The following JADE3 variants were observed in gnomAD, a reference collection of about 807,000 sequenced individuals.
JADE3 encodes protein Jade-3.
A neutral mutation model predicts 50.1 loss-of-function variants in JADE3; 2 were observed. The observed-to-expected ratio is 0.04, with a 90% CI of 0.02 to 0.13. The LOEUF is 0.13. Ranked by LOEUF, JADE3 falls within the 10% of genes least tolerant of loss-of-function variation. The probability of loss-of-function intolerance (pLI) is 1.00; values close to 1 mark genes in which losing one functional copy is unlikely to be tolerated. For missense variants in JADE3, 475 were observed against 634.4 expected (o/e 0.75, Z 2.70); for synonymous variants, 218 against 232.9 (o/e 0.94, Z 0.58).
At chrX:47,049,548 C>G (rs1011735510) in intron 8 of JADE3, among the ~76,000 whole-genome samples, 3 of 108,805 alleles carry the variant, frequency 2.8e-5, no homozygotes, top group Non-Finnish European at 5.7e-5. Flanking sequence ...CCTCAACTTC[C>G]CAGGCTCCCA....
At position 46,998,273 on chromosome X, in the gene JADE3, C is replaced by T. The variant is rs1556357988; in HGVS notation, c.280C>T (p.Leu94Phe). 3 of 1,205,962 alleles carry T rather than the reference C, an allele frequency of 2.5e-6. No individual in the cohort carries two copies. The highest frequency in any genetic ancestry group is 3.4e-6 in the Non-Finnish European group (3 of 892,251). ...TCCAGACACCGTTCCACAGCCTTCT[C>T]TCAGGTATTTGCATGCTTGCACCTT... Reference protein sequence around the residue: ...ASPDTVPQPSLRIIAEKVKDV... With the variant: ...ASPDTVPQPSFRIIAEKVKDV... The change falls in exon 4 of 11, where the codon CTC becomes TTC. Residue 94 changes from leucine to phenylalanine, a missense_variant. By Grantham distance (22) the Leu-to-Phe change is conservative. Coordinates refer to ENST00000614628, the MANE Select transcript of JADE3 (RefSeq NM_014735.5).
intron 3 of JADE3, among the ~76,000 whole-genome samples, chrX:46,988,385 T>TA (rs1341643683): frequency 1.8e-5 from 2 of 110,801 alleles, no homozygotes; most frequent in East Asian, 2.8e-4. Flanking sequence ...CCAGGGTCAT[T>TA]AAAAAAAAGC....
In JADE3 at chrX:46,912,524, A is replaced by G. The variant is rs1322559593; in HGVS notation, c.-207A>G. ...TGACGGGCCGGGCGGACGAGGGCCG[A>G]GGGCGGGAGCTGAGGCGCGGGGGGC... On this transcript the variant is annotated 5_prime_UTR_variant, in exon 1 of 11. Transcript: ENST00000614628. 173 of 110,240 alleles carry G rather than the reference A, an allele frequency of 1.6e-3. 2 individuals are homozygous for G. The South Asian group carries it at 0.062, about 40-fold the overall frequency. 9.1% of individuals were successfully genotyped at this position (110,240 alleles called of 1,213,427 possible).
chrX:47,017,342 T>C (rs1443441574), intron 4 of JADE3, among the ~76,000 whole-genome samples: 1 of 112,245 alleles, frequency 8.9e-6, no homozygotes, highest in Non-Finnish European at 1.9e-5. Context: ...CTAGGTAGAC[T>C]GAAGGATTTT....
intron 5 of JADE3, among the ~76,000 whole-genome samples, chrX:47,027,236 G>C (rs1440895259): frequency 8.9e-6 from 1 of 112,023 alleles, no homozygotes; most frequent in Non-Finnish European, 1.9e-5. Flanking sequence ...AAGCAAAGAA[G>C]GTAATTCCAG....
At chrX:46,964,732 AT>A (rs1927334145) in intron 1 of JADE3, among the ~76,000 whole-genome samples, 1 of 112,824 alleles carries the variant, frequency 8.9e-6, no homozygotes, top group African/African-American at 3.2e-5. Context: ...GTGAATGGTC[AT>A]GGGTGTGTTC....
intron 8 of JADE3, among the ~76,000 whole-genome samples, chrX:47,045,293 C>T (rs1161138912): frequency 9.0e-6 from 1 of 111,373 alleles, no homozygotes; most frequent in Non-Finnish European, 1.9e-5. Flanking sequence ...TAGAAAAAAA[C>T]TATAAAAGGA....
chrX:46,958,426 A>G (rs1437561970), intron 1 of JADE3, among the ~76,000 whole-genome samples: 2 of 111,828 alleles, frequency 1.8e-5, no homozygotes, highest in Non-Finnish European at 3.8e-5. Context: ...GTTACTCATC[A>G]AAGTTTTGAT....
chrX:47,053,226 G>T (rs1929557785), intron 8 of JADE3, among the ~76,000 whole-genome samples: 1 of 110,632 alleles, frequency 9.0e-6, no homozygotes, highest in Admixed American at 9.6e-5. Context: ...TTCAAGACCA[G>T]CCTGAGCAAC....
intron 8 of JADE3, among the ~76,000 whole-genome samples, chrX:47,047,734 T>C (rs1246815470): frequency 2.7e-5 from 3 of 111,369 alleles, no homozygotes; most frequent in Admixed American, 1.9e-4. Flanking sequence ...ATGTTAAACA[T>C]AGAGTTACCT....
At chrX:46,993,206 C>A (rs1299836816) in intron 3 of JADE3, among the ~76,000 whole-genome samples, 1 of 111,881 alleles carries the variant, frequency 8.9e-6, no homozygotes, top group African/African-American at 3.2e-5. Flanking sequence ...TGCATATCAT[C>A]TGTAGGCCTG....
At chrX:46,970,055 A>T (rs1205339171) in intron 1 of JADE3, among the ~76,000 whole-genome samples, 2 of 112,204 alleles carry the variant, frequency 1.8e-5, no homozygotes, top group African/African-American at 6.5e-5. Context: ...AAAGCAATCC[A>T]TCTAAAAACT....
chrX:47,041,687 T>G (rs1929260503), intron 8 of JADE3, among the ~76,000 whole-genome samples: 1 of 108,469 alleles, frequency 9.2e-6, no homozygotes, highest in Non-Finnish European at 1.9e-5. Flanking sequence ...GTGCTCTTTT[T>G]TTTTTTTGGT....
chrX:47,057,275 A>T (rs1929649211), intron 10 of JADE3, among the ~76,000 whole-genome samples: 1 of 111,502 alleles, frequency 9.0e-6, no homozygotes, highest in Middle Eastern at 4.2e-3. Context: ...CCACTGGGAT[A>T]CCTAAGAGCT....
At chrX:46,958,621 A>C (rs1340154751) in intron 1 of JADE3, among the ~76,000 whole-genome samples, 2 of 112,015 alleles carry the variant, frequency 1.8e-5, no homozygotes, top group Admixed American at 1.9e-4. Flanking sequence ...AAAGAGCCTA[A>C]AGTAAGTTGG....
chrX:46,980,068 C>T (rs782136118), intron 1 of JADE3, among the ~76,000 whole-genome samples: 19 of 108,046 alleles, frequency 1.8e-4, no homozygotes, highest in African/African-American at 3.4e-4. Flanking sequence ...TTAGTACAGA[C>T]GGGGTTTCAC....
At chrX:46,982,917 C>T (rs1927786817) in intron 1 of JADE3, among the ~76,000 whole-genome samples, 1 of 111,495 alleles carries the variant, frequency 9.0e-6, no homozygotes, top group South Asian at 3.8e-4. Flanking sequence ...CAACCTCCAC[C>T]TCCCGGGTTC....
intron 1 of JADE3, among the ~76,000 whole-genome samples, chrX:46,970,606 G>T (rs782433288): frequency 8.9e-6 from 1 of 111,813 alleles, no homozygotes; most frequent in South Asian, 3.8e-4. Context: ...CCTCTTTCTG[G>T]TGGCCAGTAC....
chrX:47,045,667 A>C (rs1408224768), intron 8 of JADE3, among the ~76,000 whole-genome samples: 1 of 112,492 alleles, frequency 8.9e-6, no homozygotes, highest in African/African-American at 3.2e-5. Flanking sequence ...TCTTAAAATA[A>C]TTTTTAAAAA....
Sources: gnomAD v4.1 joint callset for allele counts (sites outside exome capture counted in the v4.1 genomes callset) on GRCh38, gnomAD v4.1.1 for gene constraint, MANE v1.5 for transcripts, NCBI Gene and HGNC (gene_info 2026-07-23, HGNC 2026-07-21) for gene names.